CDKAL1: variants seen among roughly 807,000 people sequenced by gnomAD.
CDKAL1 encodes the protein threonylcarbamoyladenosine tRNA methylthiotransferase.
A neutral mutation model predicts 68.2 loss-of-function variants in CDKAL1; 32 were observed. The ratio of observed to expected loss-of-function variants is 0.47; its 90% confidence interval spans 0.35 to 0.63. The LOEUF is 0.63. Among genes scored for constraint, CDKAL1 ranks in the 30% least tolerant of loss-of-function variants. The probability of loss-of-function intolerance (pLI) is 0.00; values close to 1 mark genes in which losing one functional copy is unlikely to be tolerated. For missense variants in CDKAL1, 606 were observed against 696.7 expected (o/e 0.87, Z 1.47); for synonymous variants, 234 against 244.3 (o/e 0.96, Z 0.39).
chr6:21,109,433 T>A (rs1774014983), intron 13 of CDKAL1, among the ~76,000 whole-genome samples: 1 of 152,148 alleles, frequency 6.6e-6, no homozygotes, highest in Non-Finnish European at 1.5e-5. Flanking sequence ...GAGGGAAAAA[T>A]TGTGCCAGTT....
chr6:21,205,097 A>G (rs1399981205), intron 15 of CDKAL1, among the ~76,000 whole-genome samples: 1 of 152,188 alleles, frequency 6.6e-6, no homozygotes, highest in African/African-American at 2.4e-5. Flanking sequence ...TAATGTCCTC[A>G]GGGTTCATCC....
At chr6:21,210,759 C>A (rs1779122450) in intron 15 of CDKAL1, among the ~76,000 whole-genome samples, 1 of 152,116 alleles carries the variant, frequency 6.6e-6, no homozygotes, top group South Asian at 2.1e-4. Flanking sequence ...TTGCAGACAA[C>A]AGAGAGCAGT....
At position 20,645,679 on chromosome 6, in the gene CDKAL1, C is replaced by T. The variant is rs889287687; in HGVS notation, c.287-3614C>T. Among the ~76,000 whole-genome samples, 4 of 151,236 alleles carry T rather than the reference C, an allele frequency of 2.6e-5. No individual in the cohort carries two copies. In the East Asian group the frequency reaches 5.8e-4, roughly 22 times the overall value. Reference sequence around the variant, plus strand: ...CCGGGAGGCGGAGGTTGCAGTGAGCCGAGATTGCGCCACTGTACTCTAGCC... The same window carrying T: ...CCGGGAGGCGGAGGTTGCAGTGAGCTGAGATTGCGCCACTGTACTCTAGCC... On this transcript the variant is annotated intron_variant, in intron 4 of 15. Coordinates refer to ENST00000274695, the MANE Select transcript of CDKAL1 (RefSeq NM_017774.3).
At chr6:20,799,040 G>GTTGTTTTT (rs1776242510) in intron 8 of CDKAL1, among the ~76,000 whole-genome samples, 2 of 47,482 alleles carry the variant, frequency 4.2e-5, no homozygotes, top group African/African-American at 1.7e-4. Context: ...AAAGAACTGA[G>GTTGTTTTT]TTTTTTTTTT....
chr6:21,058,090 C>G (rs892589501), intron 11 of CDKAL1, among the ~76,000 whole-genome samples: 1 of 152,168 alleles, frequency 6.6e-6, no homozygotes, highest in African/African-American at 2.4e-5. Context: ...TCTCAATGAT[C>G]TGTCTAATAT....
intron 8 of CDKAL1, among the ~76,000 whole-genome samples, chr6:20,783,909 C>T (rs1775541590): frequency 1.3e-5 from 2 of 152,084 alleles, no homozygotes. Context: ...TACTCAAGTA[C>T]CTCATATAAA....
chr6:21,107,180 C>A (rs1315365467), intron 12 of CDKAL1, among the ~76,000 whole-genome samples: 1 of 152,044 alleles, frequency 6.6e-6, no homozygotes, highest in Non-Finnish European at 1.5e-5. Flanking sequence ...ATCTCCTGAC[C>A]TTGTGATCCG....
chr6:20,772,743 A>G (rs199646272), intron 7 of CDKAL1: 1 of 152,180 alleles, frequency 6.6e-6, no homozygotes, highest in Non-Finnish European at 1.5e-5. Flanking sequence ...CATTATTAAG[A>G]TTATAGAGTA....
chr6:20,955,292 TGCAA>T, intron 9 of CDKAL1, 123 bp from the exon 10 acceptor site: 2 of 917,124 alleles, frequency 2.2e-6, no homozygotes, highest in Admixed American at 4.8e-5. Context: ...GCTTTTTCTC[TGCAA>T]TTGAATACCC....
At chr6:21,228,438 G>A (rs2151130463) in intron 15 of CDKAL1, among the ~76,000 whole-genome samples, 1 of 152,246 alleles carries the variant, frequency 6.6e-6, no homozygotes, top group East Asian at 1.9e-4. Flanking sequence ...CTTAATTCTG[G>A]TCTTATAACA....
chr6:21,078,997 C>A (rs556431506), intron 12 of CDKAL1, among the ~76,000 whole-genome samples: 3 of 152,106 alleles, frequency 2.0e-5, no homozygotes, highest in African/African-American at 4.8e-5. Context: ...AAATTGAATT[C>A]TGAGAGTTGA....
intron 6 of CDKAL1, among the ~76,000 whole-genome samples, chr6:20,751,953 T>A (rs995947566): frequency 3.3e-5 from 5 of 152,176 alleles, no homozygotes; most frequent in African/African-American, 1.2e-4. Context: ...GAGTTCAATA[T>A]ATTCTTCATT....
intron 13 of CDKAL1, among the ~76,000 whole-genome samples, chr6:21,145,551 A>G (rs890548783): frequency 1.3e-5 from 2 of 152,198 alleles, no homozygotes; most frequent in African/African-American, 4.8e-5. Context: ...TTAGGGGACC[A>G]AGTTAATGTC....
At chr6:20,922,096 T>C (rs2150652145) in intron 9 of CDKAL1, among the ~76,000 whole-genome samples, 1 of 152,288 alleles carries the variant, frequency 6.6e-6, no homozygotes, top group East Asian at 1.9e-4. Context: ...ACTGGTTTTG[T>C]GATAAAGGCA....
intron 7 of CDKAL1, among the ~76,000 whole-genome samples, chr6:20,766,322 C>T (rs1331453161): frequency 2.6e-5 from 4 of 151,946 alleles, no homozygotes; most frequent in Non-Finnish European, 5.9e-5. Flanking sequence ...TGAGCTGGTG[C>T]ATAGTGTTGA....
At chr6:20,808,661 A>G (rs549620942) in intron 8 of CDKAL1, among the ~76,000 whole-genome samples, 1 of 152,106 alleles carries the variant, frequency 6.6e-6, no homozygotes, top group East Asian at 1.9e-4. Context: ...GTTGAAACCA[A>G]CTGTTGAAAA....
At chr6:21,213,119 C>T (rs1205479696) in intron 15 of CDKAL1, among the ~76,000 whole-genome samples, 3 of 152,102 alleles carry the variant, frequency 2.0e-5, no homozygotes, top group Non-Finnish European at 2.9e-5. Context: ...CAGGTCAGAC[C>T]GTGGGTTTGG....
intron 12 of CDKAL1, among the ~76,000 whole-genome samples, chr6:21,098,513 T>A (rs1773424116): frequency 6.7e-6 from 1 of 149,838 alleles, no homozygotes; most frequent in African/African-American, 2.5e-5. Flanking sequence ...TGAAATGTTA[T>A]GAGGTTAAAC....
At chr6:21,163,548 C>G (rs1369242986) in intron 13 of CDKAL1, among the ~76,000 whole-genome samples, 2 of 152,156 alleles carry the variant, frequency 1.3e-5, no homozygotes, top group Non-Finnish European at 2.9e-5. Flanking sequence ...AACCAATCAT[C>G]CAAAATCCTT....
Sources: allele counts gnomAD v4.1 joint callset (sites outside exome capture counted in the v4.1 genomes callset), GRCh38; gene constraint gnomAD v4.1.1; transcripts MANE v1.5; gene names NCBI Gene and HGNC (gene_info 2026-07-23, HGNC 2026-07-21).